DOCK8: variants seen among roughly 807,000 people sequenced by gnomAD.
DOCK8 encodes dedicator of cytokinesis 8.
A neutral mutation model predicts 245.6 loss-of-function variants in DOCK8; 141 were observed. The observed-to-expected ratio is 0.57, with a 90% CI of 0.50 to 0.66. DOCK8 has a LOEUF of 0.66. Ranked by LOEUF, DOCK8 falls within the 30% of genes least tolerant of loss-of-function variation. The pLI is 0.00. For missense variants in DOCK8, 2,965 were observed against 2,603.4 expected (o/e 1.14, Z -3.02); for synonymous variants, 1,168 against 970.2 (o/e 1.20, Z -3.79).
intron 1 of DOCK8, among the ~76,000 whole-genome samples, chr9:242,388 A>G (rs571152351): frequency 1.2e-4 from 19 of 152,310 alleles, no homozygotes; most frequent in Non-Finnish European, 5.9e-5. Context: ...CCTCATTGAT[A>G]GGAGAGGACA....
intron 44 of DOCK8, among the ~76,000 whole-genome samples, chr9:447,665 A>G (rs988759883): frequency 6.6e-6 from 1 of 152,198 alleles, no homozygotes; most frequent in Admixed American, 6.5e-5. Flanking sequence ...CAGTTTCTCC[A>G]TTATCTAATT....
chr9:442,738 A>G lies in DOCK8; in HGVS notation c.5491-689A>G, dbSNP rs140462188. Reference sequence around the variant, plus strand: ...GGAATTTGTTTACAAAGAGCCTGCAATTACCAAGCAGGACTGGGGTCCTTT... The same window carrying G: ...GGAATTTGTTTACAAAGAGCCTGCAGTTACCAAGCAGGACTGGGGTCCTTT... On this transcript the variant is annotated intron_variant, in intron 42 of 47. Transcript: ENST00000432829. 4.2e-3 allele frequency among the ~76,000 whole-genome samples: 641 copies of G among 152,202 alleles called. 10 individuals carry two copies. The highest frequency in any genetic ancestry group is 0.014 in the African/African-American group (598 of 41,446).
At chr9:291,693 T>C (rs1416110178) in intron 4 of DOCK8, among the ~76,000 whole-genome samples, 2 of 152,028 alleles carry the variant, frequency 1.3e-5, no homozygotes, top group Non-Finnish European at 2.9e-5. Context: ...TTATGATTTT[T>C]TTCTTTGGAA....
At chr9:281,269 G>T (rs1474413639) in intron 2 of DOCK8, among the ~76,000 whole-genome samples, 1 of 151,782 alleles carries the variant, frequency 6.6e-6, no homozygotes, top group Non-Finnish European at 1.5e-5. Flanking sequence ...AAGTAGTTTT[G>T]GTTTTTAATT....
intron 26 of DOCK8, 143 bp from the exon 27 acceptor site, chr9:404,775 T>C: frequency 1.2e-6 from 1 of 852,992 alleles, no homozygotes; most frequent in East Asian, 2.6e-5. Context: ...AATGCAGAAT[T>C]TACCATCTGT....
At chr9:237,889 A>C (rs1002647844) in intron 1 of DOCK8, among the ~76,000 whole-genome samples, 1 of 151,614 alleles carries the variant, frequency 6.6e-6, no homozygotes, top group Admixed American at 6.6e-5. Context: ...ATTAATTTAG[A>C]ATTCATATTT....
At chr9:226,214 G>C (rs547855129) in intron 1 of DOCK8, among the ~76,000 whole-genome samples, 1 of 152,290 alleles carries the variant, frequency 6.6e-6, no homozygotes, top group African/African-American at 2.4e-5. Flanking sequence ...GCAGGCAAGA[G>C]AGCGTGTGCA....
At chr9:349,714 G>C (rs982799476) in intron 14 of DOCK8, among the ~76,000 whole-genome samples, 1 of 152,098 alleles carries the variant, frequency 6.6e-6, no homozygotes, top group Non-Finnish European at 1.5e-5. Context: ...GACCAGTTTC[G>C]TTATCCCATT....
intron 43 of DOCK8, among the ~76,000 whole-genome samples, chr9:445,660 C>T (rs1176672810): frequency 6.6e-6 from 1 of 152,204 alleles, no homozygotes; most frequent in Non-Finnish European, 1.5e-5. Context: ...CTTTCCGTTG[C>T]TGAGTAGTAT....
Position 433,858 on chromosome 9 carries a change from G to A in DOCK8, c.4786-17G>A, listed in dbSNP as rs776305152. Reference sequence around the variant, plus strand: ...ACTACAAAGCTAAGATTATTTTGAGGCTTACACTTTTTGCAGGTGGAGGAA... The same window carrying A: ...ACTACAAAGCTAAGATTATTTTGAGACTTACACTTTTTGCAGGTGGAGGAA... On this transcript the variant is annotated splice_polypyrimidine_tract_variant and intron_variant, in intron 37 of 47. Transcript: ENST00000432829. 5 of 1,593,406 alleles carry A rather than the reference G, an allele frequency of 3.1e-6. No homozygotes were observed. The highest frequency in any genetic ancestry group is 1.1e-5 in the South Asian group (1 of 90,662).
At chr9:273,969 G>T (rs1256085724) in intron 2 of DOCK8, among the ~76,000 whole-genome samples, 1 of 152,126 alleles carries the variant, frequency 6.6e-6, no homozygotes, top group African/African-American at 2.4e-5. Context: ...GCCTCCCAAA[G>T]TGCTGGGATT....
rs148177924 is a variant in DOCK8 at position 370,232 on chromosome 9, C to G, written c.1800C>G (p.Val600=). The G allele has an allele frequency of 1.2e-6, 2 of 1,613,528 alleles. No homozygotes were observed. Among genetic ancestry groups the G allele is most frequent in the African/African-American group, 2.7e-5 (2 of 74,928 alleles). Residue 600 remains valine, a splice_region_variant and synonymous_variant, in exon 16 of 48, where the codon GTC becomes GTG. Coordinates refer to ENST00000432829, the MANE Select transcript of DOCK8 (RefSeq NM_203447.4). The part of the protein sequence containing the change: ...CGEDASNAMP[V]IFGKSSGPEF... ...ATCCTTTCTCTACTGGTGAACAGGT[C>G]ATCTTTGGAAAATCCAGCGGGCCTG...
At chr9:411,116 C>A (rs1206816168) in intron 28 of DOCK8, among the ~76,000 whole-genome samples, 1 of 152,132 alleles carries the variant, frequency 6.6e-6, no homozygotes, top group Non-Finnish European at 1.5e-5. Flanking sequence ...TGTACCCACA[C>A]AAATTAAAAA....
chr9:304,878 T>A (rs1366022326), intron 5 of DOCK8, among the ~76,000 whole-genome samples, 174 bp downstream of exon 5: 1 of 152,174 alleles, frequency 6.6e-6, no homozygotes, highest in Admixed American at 6.5e-5. Context: ...CTGTAGAAAT[T>A]GGTGTTCAAA....
chr9:353,794 C>G (rs1368779267), intron 14 of DOCK8, among the ~76,000 whole-genome samples: 1 of 152,118 alleles, frequency 6.6e-6, no homozygotes, highest in African/African-American at 2.4e-5. Flanking sequence ...TTGTTTTTAT[C>G]TGCAGGAGGT....
At chr9:281,956 C>A (rs1429516573) in intron 2 of DOCK8, among the ~76,000 whole-genome samples, 1 of 152,200 alleles carries the variant, frequency 6.6e-6, no homozygotes, top group South Asian at 2.1e-4. Flanking sequence ...CTCAGTAATG[C>A]TGTCATTGCT....
chr9:224,697 C>T (rs1055092484), intron 1 of DOCK8, among the ~76,000 whole-genome samples: 1 of 152,128 alleles, frequency 6.6e-6, no homozygotes, highest in Non-Finnish European at 1.5e-5. Flanking sequence ...AGAAGTTGGG[C>T]TGTCCTCAGG....
chr9:341,007 A>G (rs1218136094), intron 14 of DOCK8, among the ~76,000 whole-genome samples: 1 of 152,232 alleles, frequency 6.6e-6, no homozygotes, highest in Admixed American at 6.5e-5. Context: ...GCTAAAGATT[A>G]GCTCTTTCCA....
At chr9:363,521 C>A (rs1205990975) in intron 14 of DOCK8, among the ~76,000 whole-genome samples, 3 of 152,190 alleles carry the variant, frequency 2.0e-5, no homozygotes, top group Non-Finnish European at 2.9e-5. Flanking sequence ...GTATTCGTTT[C>A]TTTAAAAACA....
Sources: gnomAD v4.1 joint callset for allele counts (sites outside exome capture counted in the v4.1 genomes callset) on GRCh38, gnomAD v4.1.1 for gene constraint, MANE v1.5 for transcripts, NCBI Gene and HGNC (gene_info 2026-07-23, HGNC 2026-07-21) for gene names.